LARGE1: variants seen among roughly 807,000 people sequenced by gnomAD.
LARGE1 encodes xylosyl- and glucuronyltransferase LARGE1.
A neutral mutation model predicts 87.6 loss-of-function variants in LARGE1; 43 were observed. That is an observed-to-expected ratio of 0.49 (90% CI 0.38 to 0.63). The LOEUF (loss-of-function observed/expected upper bound fraction) is 0.63, where lower values mean the gene tolerates loss of function less well. LARGE1 is among the 30% of genes least tolerant of loss of function. The pLI is 0.00. For missense variants in LARGE1, 802 were observed against 1,000.2 expected (o/e 0.80, Z 2.67); for synonymous variants, 434 against 394.6 (o/e 1.10, Z -1.18).
chr22:33,463,600 G>C (rs918322114), intron 6 of LARGE1, among the ~76,000 whole-genome samples: 1 of 152,060 alleles, frequency 6.6e-6, no homozygotes, highest in Non-Finnish European at 1.5e-5. Flanking sequence ...TTTGTACATA[G>C]GTAAAGAACT....
intron 1 of LARGE1, among the ~76,000 whole-genome samples, chr22:33,888,123 T>C (rs2064907081): frequency 6.6e-6 from 1 of 152,174 alleles, no homozygotes; most frequent in South Asian, 2.1e-4. Context: ...ATTCTCTTTC[T>C]TCAATTGAAG....
intron 11 of LARGE1, 36 bp from the exon 12 acceptor site, chr22:33,304,543 G>A (rs765572514): frequency 2.8e-5 from 43 of 1,534,290 alleles, no homozygotes; most frequent in Non-Finnish European, 3.7e-5. Context: ...GCGGGACCTG[G>A]GCCATCCATG....
intron 6 of LARGE1, among the ~76,000 whole-genome samples, chr22:33,548,389 C>T (rs966147976): frequency 2.0e-5 from 3 of 151,160 alleles, no homozygotes; most frequent in African/African-American, 7.3e-5. Context: ...AATCTCTTTT[C>T]ATATAAATTA....
intron 6 of LARGE1, chr22:33,563,116 A>T (rs1173708808): frequency 6.6e-6 from 1 of 152,336 alleles, no homozygotes; most frequent in African/African-American, 2.4e-5. Flanking sequence ...AGGCATGGCC[A>T]CTCACTTCAA....
rs2068338104 is a variant in LARGE1 at position 33,460,644 on chromosome 22, A to C, written c.788-28379T>G. On this transcript the variant is annotated intron_variant, in intron 6 of 14. Coordinates refer to ENST00000397394, the MANE Select transcript of LARGE1 (RefSeq NM_133642.5). Reference sequence around the variant, plus strand: ...TAAGCAAGCTGAAGGCAGTACCTGAACTGGGGAGCCTGCCTATCCCTACTG... The same window carrying C: ...TAAGCAAGCTGAAGGCAGTACCTGACCTGGGGAGCCTGCCTATCCCTACTG... Among the ~76,000 whole-genome samples the C allele has an allele frequency of 2.0e-5, 3 of 152,296 alleles. No homozygotes were observed. The South Asian group carries it at 6.2e-4, about 32-fold the overall frequency.
intron 11 of LARGE1, among the ~76,000 whole-genome samples, chr22:33,229,301 TGAAG>T (rs1925886313): frequency 6.6e-6 from 1 of 152,042 alleles, no homozygotes; most frequent in Non-Finnish European, 1.5e-5. Context: ...TAAATTATAA[TGAAG>T]GAAATTCAAC....
intron 6 of LARGE1, among the ~76,000 whole-genome samples, chr22:33,548,427 T>G (rs1244254875): frequency 6.6e-6 from 1 of 152,158 alleles, no homozygotes; most frequent in South Asian, 2.1e-4. Context: ...CGTTTTTTTT[T>G]TCTTGAAATG....
At chr22:33,198,492 A>T (rs1487249184) in intron 11 of LARGE1, among the ~76,000 whole-genome samples, 2 of 152,064 alleles carry the variant, frequency 1.3e-5, no homozygotes, top group African/African-American at 4.8e-5. Context: ...CATAGTGGTG[A>T]AGTCTGGGCT....
At chr22:33,448,729 C>T (rs974011478) in intron 6 of LARGE1, among the ~76,000 whole-genome samples, 10 of 152,198 alleles carry the variant, frequency 6.6e-5, no homozygotes, top group African/African-American at 9.7e-5. Flanking sequence ...GAGTCAGCCT[C>T]CCTGCCTCCC....
chr22:33,244,028 G>A lies in LARGE1; in HGVS notation c.1730+60201C>T, dbSNP rs187065026. On this transcript the variant is annotated intron_variant, in intron 11 of 11. Transcript: ENST00000608642. ...TTTTGAGGCGGAGTCTTGCTCTGTC[G>A]CCCAGGCTGGAGTGCAGTGGCGCGA... is the stretch of plus-strand genomic sequence containing the variant. Among the ~76,000 whole-genome samples, 33 of 152,114 alleles carry A rather than the reference G, an allele frequency of 2.2e-4. No individual in the cohort carries two copies. In the East Asian group the frequency reaches 3.5e-3, roughly 16 times the overall value.
intron 6 of LARGE1, among the ~76,000 whole-genome samples, chr22:33,457,147 G>A (rs896662095): frequency 6.6e-5 from 10 of 151,850 alleles, no homozygotes; most frequent in Admixed American, 1.3e-4. Flanking sequence ...TTATTGAGAC[G>A]GCATCTTACT....
intron 6 of LARGE1, among the ~76,000 whole-genome samples, chr22:33,434,983 GTTTT>G (rs919841686): frequency 3.3e-5 from 5 of 152,080 alleles, no homozygotes; most frequent in Non-Finnish European, 7.4e-5. Context: ...ACTTCCTACT[GTTTT>G]TTGTTTGTTT....
At chr22:33,874,781 C>T (rs2064412519) in intron 1 of LARGE1, among the ~76,000 whole-genome samples, 1 of 152,084 alleles carries the variant, frequency 6.6e-6, no homozygotes, top group South Asian at 2.1e-4. Flanking sequence ...AATAAAGTTC[C>T]CACCATAGAA....
chr22:33,182,453 G>C (rs1357322482), intron 11 of LARGE1, among the ~76,000 whole-genome samples: 3 of 152,056 alleles, frequency 2.0e-5, no homozygotes, highest in Non-Finnish European at 4.4e-5. Context: ...TTTTCAACAA[G>C]GATGCCAAGA....
At position 33,274,272 on chromosome 22, in the gene LARGE1, G is replaced by T; in HGVS notation, c.*155C>A. 1.3e-6 allele frequency: 1 copy of T among 756,824 alleles called. No homozygotes were observed. Among genetic ancestry groups the T allele is most frequent in the South Asian group, 1.5e-5 (1 of 64,776 alleles). 46.9% of individuals were successfully genotyped at this position (756,824 alleles called of 1,614,324 possible). A position where few individuals can be genotyped will look rare whatever the true frequency, so the allele number is the denominator to read the frequency against. On this transcript the variant is annotated 3_prime_UTR_variant, in exon 15 of 15. Coordinates refer to ENST00000397394, the MANE Select transcript of LARGE1 (RefSeq NM_133642.5). ...AGGGACTGGCTGGATCCTTGTCCAA[G>T]GTCTCTGTAGTGAGGGCAGCTTGGC...
intron 11 of LARGE1, among the ~76,000 whole-genome samples, chr22:33,184,753 C>T (rs75128954): frequency 0.086 from 12,998 of 151,962 alleles, 744 homozygotes; most frequent in Middle Eastern, 0.2. Flanking sequence ...GACAAAAGAC[C>T]TGAACAGACA....
intron 1 of LARGE1, chr22:33,856,675 C>A (rs1172100122): frequency 6.6e-6 from 1 of 152,196 alleles, no homozygotes; most frequent in African/African-American, 2.4e-5. Context: ...TGCTGAAAAA[C>A]GGCAACTTGG....
intron 11 of LARGE1, among the ~76,000 whole-genome samples, chr22:33,176,818 A>G (rs560797819): frequency 6.6e-6 from 1 of 152,182 alleles, no homozygotes; most frequent in Non-Finnish European, 1.5e-5. Context: ...TATATACCCA[A>G]AGGATTATAA....
chr22:33,455,686 G>A (rs1297324877), intron 6 of LARGE1, among the ~76,000 whole-genome samples: 3 of 149,902 alleles, frequency 2.0e-5, no homozygotes, highest in Non-Finnish European at 4.4e-5. Context: ...CCCAGGAGGC[G>A]GAGGTTGCAG....
Sources: allele counts gnomAD v4.1 joint callset (sites outside exome capture counted in the v4.1 genomes callset), GRCh38; gene constraint gnomAD v4.1.1; transcripts MANE v1.5; gene names NCBI Gene and HGNC (gene_info 2026-07-23, HGNC 2026-07-21).